ATAD2B: variants seen among roughly 807,000 people sequenced by gnomAD.
ATAD2B encodes the protein ATPase family AAA domain-containing protein 2B.
Under a neutral mutation model 167.6 loss-of-function variants are expected in ATAD2B, and 40 were observed. The observed-to-expected ratio is 0.24, with a 90% CI of 0.19 to 0.31. ATAD2B has a LOEUF of 0.31. Among genes scored for constraint, ATAD2B ranks in the 10% least tolerant of loss-of-function variants. ATAD2B has a pLI of 1.00. For missense variants in ATAD2B, 1,242 were observed against 1,757.2 expected, an observed-to-expected ratio of 0.71 and a Z score of 5.24; for synonymous variants, 579 against 596.5, an observed-to-expected ratio of 0.97 and a Z score of 0.43.
the ATAD2B span, among the ~76,000 whole-genome samples, chr2:23,702,917 A>C: frequency 6.6e-6 from 1 of 152,216 alleles, no homozygotes; most frequent in African/African-American, 2.4e-5. Context: ...GTGTGAGCAA[A>C]GGGATGGAGA....
At chr2:23,904,525 G>A (rs1701236007) in intron 1 of ATAD2B, among the ~76,000 whole-genome samples, 1 of 139,528 alleles carries the variant, frequency 7.2e-6, no homozygotes. Context: ...TTGGAGGAAA[G>A]GATTTTCCTT....
intron 1 of ATAD2B, among the ~76,000 whole-genome samples, chr2:23,905,257 T>A (rs1701336513): frequency 6.6e-6 from 1 of 152,114 alleles, no homozygotes; most frequent in Admixed American, 6.6e-5. Context: ...ATAGCTCATA[T>A]CTATAATCCC....
intron 1 of ATAD2B, among the ~76,000 whole-genome samples, chr2:23,905,486 T>C (rs968334670): frequency 5.3e-5 from 8 of 152,082 alleles, no homozygotes; most frequent in African/African-American, 1.7e-4. Context: ...ATTACACCAC[T>C]GCACTCCAGC....
intron 18 of ATAD2B, among the ~76,000 whole-genome samples, chr2:23,799,445 C>A (rs914533426): frequency 1.3e-5 from 2 of 151,182 alleles, no homozygotes; most frequent in Admixed American, 6.6e-5. Flanking sequence ...TGGTGGCACA[C>A]GCCTGTAGTC....
intron 18 of ATAD2B, among the ~76,000 whole-genome samples, chr2:23,805,100 G>A (rs890121796): frequency 1.3e-5 from 2 of 150,218 alleles, no homozygotes; most frequent in African/African-American, 2.5e-5. Flanking sequence ...CCGAGATCAC[G>A]CTATTGTACT....
Position 23,895,838 on chromosome 2 carries a change from A to C in ATAD2B, c.349T>G (p.Leu117Val), listed in dbSNP as rs558784679. 1.2e-5 allele frequency: 20 copies of C among 1,609,798 alleles called. No homozygotes were observed. Among genetic ancestry groups the C allele is most frequent in the African/African-American group, 4.0e-5 (3 of 74,848 alleles). ...RSTGQREEWN[L>V]STGQARLTSQ... ...TCTCACCTGGCCTGTCCAGTTGATA[A>C]GTTCCATTCCTCTCGCTGACCAGTA... is the stretch of plus-strand genomic sequence containing the variant. Residue 117 changes from leucine to valine, a missense_variant, in exon 2 of 28, where the codon TTA becomes GTA. Around this residue, in one of 9 missense-constraint regions of ATAD2B, gnomAD observed 199 missense variants for 194.9 expected, o/e 1.02. Transcript: ENST00000238789.
intron 13 of ATAD2B, among the ~76,000 whole-genome samples, chr2:23,835,347 T>C (rs2149758907): frequency 6.6e-6 from 1 of 152,342 alleles, no homozygotes; most frequent in East Asian, 1.9e-4. Flanking sequence ...ATAAACGAAG[T>C]ACCAACAGCT....
chr2:23,811,363 T>C (rs1194580933), intron 17 of ATAD2B: 2 of 152,246 alleles, frequency 1.3e-5, no homozygotes, highest in Admixed American at 1.3e-4. Flanking sequence ...CCTTCTGCCA[T>C]GTGAGGACAT....
chr2:23,832,360 C>T (rs1689192746), intron 14 of ATAD2B: 1 of 338,444 alleles, frequency 3.0e-6, no homozygotes, highest in Non-Finnish European at 6.1e-6. Context: ...TCTCACAAAA[C>T]TGTTTCCTCG....
At chr2:23,922,701 C>CAAAAAAAAA (rs11386515) in intron 1 of ATAD2B, among the ~76,000 whole-genome samples, 1 of 126,482 alleles carries the variant, frequency 7.9e-6, no homozygotes, top group Non-Finnish European at 1.6e-5. Context: ...GACTCTGTCT[C>CAAAAAAAAA]AAAAAAAAAA....
intron 1 of ATAD2B, chr2:23,901,010 A>G (rs1273000517): frequency 6.5e-6 from 1 of 153,368 alleles, no homozygotes; most frequent in Admixed American, 6.5e-5. Context: ...GAGGAACAGA[A>G]AGGATAAGGA....
chr2:23,727,250 A>C, the ATAD2B span, among the ~76,000 whole-genome samples: 497 of 152,350 alleles, frequency 3.3e-3, no homozygotes, highest in African/African-American at 0.012. Context: ...CAAGCGTCAC[A>C]ATTTAAAAAT....
In ATAD2B at chr2:23,847,673, C is replaced by T. The variant is rs541374964; in HGVS notation, c.1568+9742G>A. On this transcript the variant is annotated intron_variant, in intron 13 of 27. Transcript: ENST00000238789. ...TGTCTCAAAAACAAAGCTGTTTTTG[C>T]TTTTGTTTTAAAAAAAAAAAAATGT... 1.4e-4 allele frequency among the ~76,000 whole-genome samples: 20 copies of T among 147,654 alleles called. No homozygotes were observed. The South Asian group carries it at 2.0e-3, about 14-fold the overall frequency.
intron 13 of ATAD2B, among the ~76,000 whole-genome samples, chr2:23,854,495 T>C (rs1452532713): frequency 6.6e-6 from 1 of 151,716 alleles, no homozygotes; most frequent in South Asian, 2.1e-4. Flanking sequence ...CTGGCCAATA[T>C]GGTGAAACCC....
At chr2:23,887,034 T>C (rs1451742666) in intron 4 of ATAD2B, among the ~76,000 whole-genome samples, 1 of 152,058 alleles carries the variant, frequency 6.6e-6, no homozygotes, top group Non-Finnish European at 1.5e-5. Flanking sequence ...TCCCAGCACT[T>C]TGGGAGGCCA....
Position 23,763,671 on chromosome 2 carries a change from C to T in ATAD2B, c.3257-1325G>A, listed in dbSNP as rs1677039355. On this transcript the variant is annotated intron_variant, in intron 23 of 27. Coordinates refer to ENST00000238789, the MANE Select transcript of ATAD2B (RefSeq NM_017552.4). The stretch of plus-strand genomic sequence containing the variant: ...GTGGCATGAACATGGCTCACTGCAG[C>T]CTCAACCTTCTGGGCTCAAGCAATC... 3.9e-5 allele frequency among the ~76,000 whole-genome samples: 6 copies of T among 152,270 alleles called. No homozygotes were observed. In the South Asian group the frequency reaches 1.2e-3, roughly 32 times the overall value.
downstream of ATAD2B, among the ~76,000 whole-genome samples, chr2:23,747,014 T>C (rs1345789838): frequency 1.3e-5 from 2 of 152,136 alleles, no homozygotes; most frequent in Admixed American, 1.3e-4. Flanking sequence ...CAACAGTGCC[T>C]GATACATGGT....
At chr2:23,857,576 G>A (rs2712087) in intron 12 of ATAD2B, 73 bp from the exon 13 acceptor site, 26,681 of 678,832 alleles carry the variant, frequency 0.039, 584 homozygotes, top group Middle Eastern at 0.054. Flanking sequence ...TTTCTTAATA[G>A]GTAATAAAAG....
At chr2:23,785,073 G>T (rs1173246414) in intron 21 of ATAD2B, among the ~76,000 whole-genome samples, 1 of 151,924 alleles carries the variant, frequency 6.6e-6, no homozygotes, top group Admixed American at 6.6e-5. Context: ...ATTCCAAAAA[G>T]GGGGGAAAGT....
Sources: allele counts gnomAD v4.1 joint callset (sites outside exome capture counted in the v4.1 genomes callset), GRCh38; gene constraint gnomAD v4.1.1; regional missense constraint gnomAD v4.1.1; transcripts MANE v1.5; gene names NCBI Gene and HGNC (gene_info 2026-07-23, HGNC 2026-07-21).